The following PCDHGB1 variants were observed in gnomAD, a reference collection of about 807,000 sequenced individuals.
PCDHGB1 encodes protocadherin gamma subfamily B, 1.
Under a neutral mutation model 56.6 loss-of-function variants are expected in PCDHGB1, and 34 were observed. The observed-to-expected ratio is 0.60, with a 90% CI of 0.46 to 0.80. The LOEUF (loss-of-function observed/expected upper bound fraction) is 0.80. PCDHGB1 is among the 30% of genes least tolerant of loss of function. The probability of loss-of-function intolerance (pLI) is 0.00; values close to 1 mark genes in which losing one functional copy is unlikely to be tolerated. For missense variants in PCDHGB1, 1,278 were observed against 1,204.6 expected, an observed-to-expected ratio of 1.06 and a Z score of -0.90; for synonymous variants, 561 against 505.9, an observed-to-expected ratio of 1.11 and a Z score of -1.46.
intron 1 of PCDHGB1, chr5:141,418,820 G>A: frequency 6.2e-7 from 1 of 1,613,918 alleles, no homozygotes. Flanking sequence ...AAACATAGAA[G>A]CAAAAGACCG....
Position 141,476,908 on chromosome 5 carries a change from A to T in PCDHGB1, c.2410-17899A>T. ...ATGCACCCTCCGGCACGCGCGTGGT[A>T]CAAGTCCTTGCAACGGATCTGGATG... is the stretch of plus-strand genomic sequence containing the variant. On this transcript the variant is annotated intron_variant, in intron 1 of 3. Coordinates refer to ENST00000523390, the MANE Select transcript of PCDHGB1 (RefSeq NM_018922.3). This position sits in a 1 kb window ranked among gnomAD's most constrained non-coding sequence, Gnocchi z 7.6. The T allele has an allele frequency of 1.2e-6, 2 of 1,614,050 alleles. No individual in the cohort carries two copies. The highest frequency in any genetic ancestry group is 1.7e-6 in the Non-Finnish European group (2 of 1,180,038).
chr5:141,504,209 C>T (rs1305672612), intron 2 of PCDHGB1, among the ~76,000 whole-genome samples: 1 of 152,180 alleles, frequency 6.6e-6, no homozygotes, highest in Non-Finnish European at 1.5e-5. Flanking sequence ...TGGGAAAATT[C>T]CAAGTAGAGC....
At position 141,350,361 on chromosome 5, in the gene PCDHGB1, C is replaced by A. The variant is rs751339845; in HGVS notation, c.101C>A (p.Thr34Lys). The change falls in exon 1 of 4, where the codon ACG (threonine) becomes AAG (lysine). Residue 34 changes from threonine (T) to lysine (K), a missense_variant. Transcript: ENST00000523390. ...CGAISQQIRY[T>K]IPEELANGSR... The stretch of plus-strand genomic sequence containing the variant: ...GCCATCTCCCAGCAGATCCGATACA[C>A]GATTCCAGAGGAGCTAGCCAACGGC... 2.6e-5 allele frequency: 41 copies of A among 1,571,096 alleles called. No individual in the cohort carries two copies. The South Asian group carries it at 4.9e-4, about 19-fold the overall frequency.
At chr5:141,409,870 T>C in intron 1 of PCDHGB1, 1 of 1,612,788 alleles carries the variant, frequency 6.2e-7, no homozygotes, top group Non-Finnish European at 8.5e-7. Flanking sequence ...GAGACCGCAA[T>C]GACAACGCAC....
intron 1 of PCDHGB1, chr5:141,479,691 C>T (rs2099503603): frequency 6.6e-6 from 1 of 152,206 alleles, no homozygotes; most frequent in Non-Finnish European, 1.5e-5. Context: ...TTTGGTGCCT[C>T]CAGTGTTAGT....
chr5:141,477,268 C>A lies in PCDHGB1; in HGVS notation c.2410-17539C>A, dbSNP rs2099408532. On this transcript the variant is annotated intron_variant, in intron 1 of 3. Transcript: ENST00000523390. This position sits in a 1 kb window ranked among gnomAD's most constrained non-coding sequence, Gnocchi z 4.9. ...TGACTGACCTGGATGCTGGCGAGAA[C>A]GGGCTGGTGACCTGCGAAGTTCCAC... 1.2e-6 allele frequency: 2 copies of A among 1,614,078 alleles called. No individual in the cohort carries two copies. Among genetic ancestry groups the A allele is most frequent in the Non-Finnish European group, 1.7e-6 (2 of 1,180,038 alleles).
Position 141,510,979 on chromosome 5 carries a change from G to A in PCDHGB1, c.2590G>A (p.Gly864Ser). 6.2e-7 allele frequency: 1 copy of A among 1,614,156 alleles called. No homozygotes were observed. The highest frequency in any genetic ancestry group is 8.5e-7 in the Non-Finnish European group (1 of 1,180,018). Reference sequence around the variant, plus strand: ...TGATGGGAGCTCCACCCTGGGAGGGGGTGCCGGCACCATGGGATTGAGCGC... The same window carrying A: ...TGATGGGAGCTCCACCCTGGGAGGGAGTGCCGGCACCATGGGATTGAGCGC... ...AADGSSTLGG[G>S]AGTMGLSARY... The change falls in exon 4 of 4, where the codon GGT becomes AGT. Residue 864 changes from glycine (G) to serine (S), a missense_variant. Physicochemically the swap from Gly to Ser is moderately conservative, Grantham distance 56. Transcript: ENST00000523390.
intron 1 of PCDHGB1, among the ~76,000 whole-genome samples, chr5:141,484,752 A>G (rs181317421): frequency 6.6e-5 from 10 of 151,098 alleles, no homozygotes; most frequent in Admixed American, 3.3e-4. Context: ...AAAAAAATGT[A>G]TATATATATA....
At chr5:141,427,637 C>T (rs771573587) in intron 1 of PCDHGB1, 5 of 707,806 alleles carry the variant, frequency 7.1e-6, no homozygotes, top group Non-Finnish European at 1.3e-5. Context: ...CGGTTTTCCA[C>T]CAAGTCTCCT....
At chr5:141,459,303 T>C (rs1419156629) in intron 1 of PCDHGB1, among the ~76,000 whole-genome samples, 1 of 152,242 alleles carries the variant, frequency 6.6e-6, no homozygotes, top group Non-Finnish European at 1.5e-5. Context: ...CTATAACATA[T>C]ACTATTTTGT....
At chr5:141,355,415 C>T (rs753835027) in intron 1 of PCDHGB1, 9 of 1,613,978 alleles carry the variant, frequency 5.6e-6, no homozygotes, top group African/African-American at 2.7e-5. Flanking sequence ...AGAGGTAGGA[C>T]GCAGCTTTTC....
At position 141,490,003 on chromosome 5, in the gene PCDHGB1, G is replaced by A. The variant is rs2099694760; in HGVS notation, c.2410-4804G>A. On this transcript the variant is annotated intron_variant, in intron 1 of 3. Transcript: ENST00000523390. This position sits in a 1 kb window ranked among gnomAD's most constrained non-coding sequence, Gnocchi z 5.4. ...TCTACGTGTGGGAATCCCAGAGAAT[G>A]CACCCATTGGTACTCTGCTGCTCCG... 6.2e-7 allele frequency: 1 copy of A among 1,614,204 alleles called. No homozygotes were observed. Among genetic ancestry groups the A allele is most frequent in the Non-Finnish European group, 8.5e-7 (1 of 1,180,008 alleles).
At chr5:141,395,076 C>A (rs1384743817) in intron 1 of PCDHGB1, 1 of 1,614,142 alleles carries the variant, frequency 6.2e-7, no homozygotes, top group Admixed American at 1.7e-5. Context: ...GACCTATTCC[C>A]AGGAAGTCTC....
intron 1 of PCDHGB1, among the ~76,000 whole-genome samples, chr5:141,406,485 G>T (rs2094815755): frequency 6.6e-6 from 1 of 152,142 alleles, no homozygotes; most frequent in Non-Finnish European, 1.5e-5. Flanking sequence ...ATATTTTTCA[G>T]ATCACAAGTG....
At chr5:141,462,540 TTTC>T (rs2099042260) in intron 1 of PCDHGB1, among the ~76,000 whole-genome samples, 1 of 152,204 alleles carries the variant, frequency 6.6e-6, no homozygotes, top group East Asian at 1.9e-4. Flanking sequence ...TCAGTGATCT[TTTC>T]TTCTTCAGTG....
chr5:141,442,014 G>T, intron 1 of PCDHGB1: 1 of 220,044 alleles, frequency 4.5e-6, no homozygotes, highest in Non-Finnish European at 9.2e-6. Flanking sequence ...TCGCACGATG[G>T]GCCACAGGAA....
chr5:141,371,712 C>T (rs1403380623), intron 1 of PCDHGB1: 1 of 1,614,078 alleles, frequency 6.2e-7, no homozygotes, highest in Admixed American at 1.7e-5. Context: ...GACCATCACT[C>T]TGCACATCCT....
In PCDHGB1 at chr5:141,477,191, A is replaced by G; in HGVS notation, c.2410-17616A>G. ...GGAGATCACAGTCACCTCCGTGTACAGCCCAGTACCCGAGGATGCCCCTCT... is the reference window on the plus strand; with the variant it reads ...GGAGATCACAGTCACCTCCGTGTACGGCCCAGTACCCGAGGATGCCCCTCT... On this transcript the variant is annotated intron_variant, in intron 1 of 3. Transcript: ENST00000523390. This position sits in a 1 kb window ranked among gnomAD's most constrained non-coding sequence, Gnocchi z 4.9. 5.0e-6 allele frequency: 8 copies of G among 1,614,210 alleles called. No homozygotes were observed. The highest frequency in any genetic ancestry group is 6.8e-6 in the Non-Finnish European group (8 of 1,180,044).
chr5:141,423,874 A>G (rs1264795133), intron 1 of PCDHGB1: 2 of 1,283,268 alleles, frequency 1.6e-6, no homozygotes, highest in East Asian at 3.1e-5. Context: ...GTCATTTTTC[A>G]ATCTTGGCAT....
Sources: gnomAD v4.1 joint callset for allele counts (sites outside exome capture counted in the v4.1 genomes callset) on GRCh38, gnomAD v4.1.1 for gene constraint, Gnocchi (gnomAD v3.1) non-coding constraint, MANE v1.5 for transcripts, NCBI Gene and HGNC (gene_info 2026-07-23, HGNC 2026-07-21) for gene names.